MEF2A: variants seen among roughly 807,000 people sequenced by gnomAD.
MEF2A encodes myocyte-specific enhancer factor 2A.
A neutral mutation model predicts 55.8 loss-of-function variants in MEF2A; 28 were observed. The observed-to-expected ratio is 0.50, with a 90% confidence interval of 0.37 to 0.69. The LOEUF (loss-of-function observed/expected upper bound fraction) is 0.69, where lower values mean the gene tolerates loss of function less well. Ranked by LOEUF, MEF2A falls within the 30% of genes least tolerant of loss-of-function variation. The pLI, the probability that MEF2A is intolerant of heterozygous loss-of-function variation, is 0.00. For synonymous variants in MEF2A, 239 were observed against 227.1 expected, an observed-to-expected ratio of 1.05 and a Z score of -0.47; for missense variants, 528 against 626.2, an observed-to-expected ratio of 0.84 and a Z score of 1.67.
chr15:99,698,325 A>G (rs750853245), intron 8 of MEF2A, among the ~76,000 whole-genome samples: 27 of 152,242 alleles, frequency 1.8e-4, no homozygotes, highest in Non-Finnish European at 3.1e-4. Context: ...TTAAAACCCA[A>G]CAGTAAGAAA....
intron 7 of MEF2A, among the ~76,000 whole-genome samples, chr15:99,689,429 C>A (rs1383172361): frequency 6.6e-6 from 1 of 152,096 alleles, no homozygotes; most frequent in Non-Finnish European, 1.5e-5. Context: ...TTCTATAATA[C>A]CTCCATTATT....
chr15:99,692,562 G>T (rs921547290), intron 8 of MEF2A, among the ~76,000 whole-genome samples: 1 of 152,200 alleles, frequency 6.6e-6, no homozygotes, highest in Non-Finnish European at 1.5e-5. Context: ...TTGGTGAATT[G>T]CTGGAGGCCA....
intron 1 of MEF2A, among the ~76,000 whole-genome samples, chr15:99,590,680 T>G (rs1445422756): frequency 1.3e-5 from 2 of 151,910 alleles, no homozygotes; most frequent in African/African-American, 4.8e-5. Context: ...CCGTAGGGTT[T>G]TACAACATGA....
At chr15:99,578,476 T>TG (rs1964979737) in intron 1 of MEF2A, among the ~76,000 whole-genome samples, 1 of 152,208 alleles carries the variant, frequency 6.6e-6, no homozygotes, top group African/African-American at 2.4e-5. Context: ...AGGCTCATCT[T>TG]GCATTTTACC....
At chr15:99,653,029 A>C (rs1446674162) in intron 4 of MEF2A, among the ~76,000 whole-genome samples, 1 of 152,172 alleles carries the variant, frequency 6.6e-6, no homozygotes, top group Admixed American at 6.5e-5. Context: ...TTAGAATGCC[A>C]AGATTTTTAT....
At chr15:99,698,959 A>G (rs1445618611) in intron 8 of MEF2A, among the ~76,000 whole-genome samples, 1 of 151,294 alleles carries the variant, frequency 6.6e-6, no homozygotes, top group African/African-American at 2.4e-5. Flanking sequence ...GCTCATGCCT[A>G]TAATCCCTGC....
At chr15:99,579,237 C>T (rs1965222342) in intron 1 of MEF2A, among the ~76,000 whole-genome samples, 1 of 151,364 alleles carries the variant, frequency 6.6e-6, no homozygotes, top group South Asian at 2.1e-4. Flanking sequence ...TTCATATCAT[C>T]AAATGCTTGT....
At chr15:99,576,667 A>C (rs1320978079) in intron 1 of MEF2A, among the ~76,000 whole-genome samples, 1 of 150,682 alleles carries the variant, frequency 6.6e-6, no homozygotes, top group East Asian at 1.9e-4. Flanking sequence ...TTGAGACGGA[A>C]TCTTACTCTG....
chr15:99,578,340 T>C (rs557007111), intron 1 of MEF2A, among the ~76,000 whole-genome samples: 1 of 152,380 alleles, frequency 6.6e-6, no homozygotes, highest in South Asian at 2.1e-4. Context: ...CTTATGTTAC[T>C]GCTCAGATCG....
intron 2 of MEF2A, among the ~76,000 whole-genome samples, chr15:99,599,835 TA>T (rs898125152): frequency 4.6e-5 from 7 of 152,130 alleles, no homozygotes; most frequent in African/African-American, 1.7e-4. Context: ...AACTGTGGAT[TA>T]AAAAATACCC....
chr15:99,645,402 G>T (rs1466522509), intron 3 of MEF2A, among the ~76,000 whole-genome samples, 159 bp from the exon 4 acceptor site: 1 of 152,178 alleles, frequency 6.6e-6, no homozygotes, highest in Non-Finnish European at 1.5e-5. Context: ...TAGGACTGTA[G>T]CACAACAGGA....
intron 8 of MEF2A, among the ~76,000 whole-genome samples, chr15:99,690,962 A>G (rs1478821835): frequency 6.6e-6 from 1 of 152,320 alleles, no homozygotes; most frequent in East Asian, 1.9e-4. Flanking sequence ...GAGGACTTGA[A>G]ATGTTCCCAA....
chr15:99,633,047 T>G lies in MEF2A; in HGVS notation c.-73T>G. On this transcript the variant is annotated 5_prime_UTR_variant, in exon 3 of 12. Coordinates refer to ENST00000557942, the MANE Select transcript of MEF2A (RefSeq NM_001319206.4). ...AATAACAGAAGCTGTGTACGATGCA[T>G]TAGGGTATTGAAGAAAATTAACTTT... 8.0e-7 allele frequency: 1 copy of G among 1,246,144 alleles called. No individual in the cohort carries two copies. The highest frequency in any genetic ancestry group is 1.1e-6 in the Non-Finnish European group (1 of 873,800). 77.2% of individuals were successfully genotyped at this position (1,246,144 alleles called of 1,614,324 possible).
At chr15:99,698,357 A>T (rs1173341542) in intron 8 of MEF2A, among the ~76,000 whole-genome samples, 3 of 152,228 alleles carry the variant, frequency 2.0e-5, no homozygotes, top group Admixed American at 2.0e-4. Flanking sequence ...AGGGCACAAG[A>T]TCTGAACACA....
At chr15:99,678,788 A>G (rs2052621998) in intron 7 of MEF2A, 1 of 621,398 alleles carries the variant, frequency 1.6e-6, no homozygotes, top group South Asian at 7.2e-5. Context: ...TGAAAATTGG[A>G]AACTTTGTGA....
intron 10 of MEF2A, 95 bp downstream of exon 10, chr15:99,706,950 A>ATAG: frequency 2.9e-6 from 4 of 1,380,532 alleles, no homozygotes; most frequent in Non-Finnish European, 3.9e-6. Context: ...ATTTATTGAA[A>ATAG]TAAACTATTT....
chr15:99,610,365 C>G (rs895315578), intron 2 of MEF2A, among the ~76,000 whole-genome samples: 2 of 145,868 alleles, frequency 1.4e-5, no homozygotes, highest in South Asian at 4.3e-4. Context: ...CCAAATTAAT[C>G]AACATATTTA....
chr15:99,697,445 T>C (rs552540617), intron 8 of MEF2A, among the ~76,000 whole-genome samples: 51 of 151,200 alleles, frequency 3.4e-4, no homozygotes, highest in African/African-American at 1.2e-3. Context: ...CAGTGAACAA[T>C]TGGAGTTTGA....
In MEF2A at chr15:99,585,964, C is replaced by G. The variant is rs1967099341; in HGVS notation, c.-224-12466C>G. Among the ~76,000 whole-genome samples the G allele has an allele frequency of 1.3e-5, 2 of 151,956 alleles. 1 individual carries two copies. The highest frequency in any genetic ancestry group is 4.8e-5 in the African/African-American group (2 of 41,374). On this transcript the variant is annotated intron_variant, in intron 1 of 11. Transcript: ENST00000557942. The stretch of plus-strand genomic sequence containing the variant: ...TCATGCAATAGGTATTCTCTAGTGT[C>G]TGGCTTTTGTCCCTCAGCAAAATGT...
Sources: gnomAD v4.1 joint callset for allele counts (sites outside exome capture counted in the v4.1 genomes callset) on GRCh38, gnomAD v4.1.1 for gene constraint, MANE v1.5 for transcripts, NCBI Gene and HGNC (gene_info 2026-07-23, HGNC 2026-07-21) for gene names.